Variants in ZNF385D observed in about 807,000 individuals in gnomAD.
ZNF385D encodes the protein zinc finger protein 659.
Under a neutral mutation model 35.8 loss-of-function variants are expected in ZNF385D, and 15 were observed. The ratio of observed to expected loss-of-function variants is 0.42; its 90% confidence interval spans 0.28 to 0.64. The LOEUF is 0.64. Ranked by LOEUF, ZNF385D falls within the 30% of genes least tolerant of loss-of-function variation. The pLI, the probability that ZNF385D is intolerant of heterozygous loss-of-function variation, is 0.23. For missense variants in ZNF385D, 474 were observed against 494.6 expected, an observed-to-expected ratio of 0.96 and a Z score of 0.39; for synonymous variants, 212 against 186.8, an observed-to-expected ratio of 1.13 and a Z score of -1.10.
intron 3 of ZNF385D, among the ~76,000 whole-genome samples, chr3:22,150,833 G>A (rs1161954279): frequency 6.6e-6 from 1 of 152,104 alleles, no homozygotes; most frequent in Admixed American, 6.6e-5. Context: ...ATAATCATGT[G>A]TAGAGTGCAT....
At chr3:22,050,304 G>C (rs1699271585) in intron 3 of ZNF385D, among the ~76,000 whole-genome samples, 1 of 152,010 alleles carries the variant, frequency 6.6e-6, no homozygotes, top group Non-Finnish European at 1.5e-5. Flanking sequence ...TGACGCTCCA[G>C]TGAAGCATGA....
chr3:22,112,013 A>G (rs892129887), intron 3 of ZNF385D, among the ~76,000 whole-genome samples: 1 of 152,264 alleles, frequency 6.6e-6, no homozygotes, highest in Middle Eastern at 3.4e-3. Context: ...TTAATCAGAC[A>G]TTTTACCCTG....
At chr3:22,244,739 T>C (rs2728957) in intron 2 of ZNF385D, among the ~76,000 whole-genome samples, 50,906 of 150,768 alleles carry the variant, frequency 0.34, 9,632 homozygotes, top group Non-Finnish European at 0.35. Flanking sequence ...AGGTATTTAA[T>C]GCCTCAGGTA....
intron 1 of ZNF385D, among the ~76,000 whole-genome samples, chr3:21,694,490 A>C (rs1042312590): frequency 1.2e-4 from 18 of 152,146 alleles, no homozygotes; most frequent in African/African-American, 3.9e-4. Context: ...GCTTTCTCTC[A>C]GCCCTCTGGA....
At chr3:21,430,411 G>T (rs1402140082) in intron 5 of ZNF385D, among the ~76,000 whole-genome samples, 1 of 152,076 alleles carries the variant, frequency 6.6e-6, no homozygotes, top group Non-Finnish European at 1.5e-5. Context: ...AATGGTCCTG[G>T]AGGGAAAGCT....
chr3:21,649,477 A>G (rs1384362079), intron 2 of ZNF385D, among the ~76,000 whole-genome samples: 1 of 152,112 alleles, frequency 6.6e-6, no homozygotes, highest in Non-Finnish European at 1.5e-5. Flanking sequence ...CACATCAAGA[A>G]TCTTACCAAG....
intron 3 of ZNF385D, among the ~76,000 whole-genome samples, chr3:21,940,866 C>A (rs893092849): frequency 1.6e-4 from 24 of 152,086 alleles, no homozygotes; most frequent in African/African-American, 5.8e-4. Context: ...TTGAATACTG[C>A]AAAAATAGTA....
chr3:21,701,811 G>A (rs2125383869), intron 1 of ZNF385D, among the ~76,000 whole-genome samples: 1 of 152,288 alleles, frequency 6.6e-6, no homozygotes, highest in Non-Finnish European at 1.5e-5. Context: ...CAGCAGGGCA[G>A]TCAAATTTTA....
chr3:21,475,152 T>A (rs1205971243), intron 4 of ZNF385D, among the ~76,000 whole-genome samples: 2 of 152,008 alleles, frequency 1.3e-5, no homozygotes, highest in Non-Finnish European at 2.9e-5. Context: ...GTTTTTGAAT[T>A]TTTGAATTAT....
intron 3 of ZNF385D, among the ~76,000 whole-genome samples, chr3:22,025,273 C>T (rs1301882839): frequency 6.6e-6 from 1 of 152,126 alleles, no homozygotes; most frequent in African/African-American, 2.4e-5. Flanking sequence ...GATGGCCTCC[C>T]CTGAGGCAGT....
At chr3:21,957,381 C>T (rs985192703) in intron 3 of ZNF385D, among the ~76,000 whole-genome samples, 5 of 152,016 alleles carry the variant, frequency 3.3e-5, no homozygotes, top group African/African-American at 1.2e-4. Context: ...TTGGAGCGCT[C>T]AGAAAAAGAC....
At chr3:21,568,763 C>T (rs1010092694) in intron 2 of ZNF385D, among the ~76,000 whole-genome samples, 4 of 151,858 alleles carry the variant, frequency 2.6e-5, no homozygotes, top group African/African-American at 4.8e-5. Context: ...TCAATGCATA[C>T]GTTTTAGAAA....
intron 3 of ZNF385D, among the ~76,000 whole-genome samples, chr3:21,762,762 A>T (rs2070674799): frequency 6.6e-6 from 1 of 152,148 alleles, no homozygotes; most frequent in South Asian, 2.1e-4. Context: ...TGCCTTGTCA[A>T]GGTTTTGGCC....
chr3:21,680,822 T>G (rs1053054539), intron 1 of ZNF385D, among the ~76,000 whole-genome samples: 1 of 132,966 alleles, frequency 7.5e-6, no homozygotes, highest in African/African-American at 2.8e-5. Context: ...AGTTGGTTAT[T>G]TTTTTTTCAC....
At chr3:22,266,279 G>A (rs937824056) in intron 2 of ZNF385D, among the ~76,000 whole-genome samples, 2 of 151,902 alleles carry the variant, frequency 1.3e-5, no homozygotes, top group Non-Finnish European at 2.9e-5. Context: ...ATGCCGACTG[G>A]TAGAAAACAA....
At chr3:21,808,819 G>C (rs567428976) in intron 3 of ZNF385D, among the ~76,000 whole-genome samples, 1 of 152,334 alleles carries the variant, frequency 6.6e-6, no homozygotes, top group South Asian at 2.1e-4. Context: ...AAAGCTCTGA[G>C]AATTGAACAA....
At chr3:21,591,127 T>C (rs1239451834) in intron 2 of ZNF385D, among the ~76,000 whole-genome samples, 1 of 152,056 alleles carries the variant, frequency 6.6e-6, no homozygotes, top group African/African-American at 2.4e-5. Flanking sequence ...AGCTGGAGTG[T>C]TCAACCTGCA....
At chr3:21,830,281 G>C (rs1694904877) in intron 3 of ZNF385D, among the ~76,000 whole-genome samples, 1 of 152,176 alleles carries the variant, frequency 6.6e-6, no homozygotes, top group African/African-American at 2.4e-5. Flanking sequence ...TTGTATCCTA[G>C]TTTACTTGTT....
At chr3:22,084,131 C>A (rs939030446) in intron 3 of ZNF385D, among the ~76,000 whole-genome samples, 2 of 152,154 alleles carry the variant, frequency 1.3e-5, no homozygotes, top group African/African-American at 4.8e-5. Context: ...CAAAAACATG[C>A]CAAATTGTAA....
Sources: gnomAD v4.1 joint callset for allele counts (sites outside exome capture counted in the v4.1 genomes callset) on GRCh38, gnomAD v4.1.1 for gene constraint, MANE v1.5 for transcripts, NCBI Gene and HGNC (gene_info 2026-07-23, HGNC 2026-07-21) for gene names.